Variants in ROS1 observed in about 807,000 individuals in gnomAD.
ROS1 encodes the protein proto-oncogene tyrosine-protein kinase ROS.
ROS1 carries 263 observed loss-of-function variants against 273.5 expected under a neutral mutation model. The observed-to-expected ratio is 0.96, with a 90% CI of 0.87 to 1.06. The LOEUF (loss-of-function observed/expected upper bound fraction) is 1.06, where lower values mean the gene tolerates loss of function less well. ROS1 is among the 50% of genes least tolerant of loss of function. ROS1 has a pLI of 0.00. For synonymous variants in ROS1, 1,008 were observed against 954.1 expected (o/e 1.06, Z -1.04); for missense variants, 2,833 against 2,751.1 (o/e 1.03, Z -0.67).
chr6:117,374,132 G>C (rs973583088), intron 18 of ROS1, among the ~76,000 whole-genome samples: 1 of 152,060 alleles, frequency 6.6e-6, no homozygotes, highest in African/African-American at 2.4e-5. Context: ...CAGAACAAGA[G>C]AGAACAATCC....
At chr6:117,299,728 T>A (rs1774532840) in intron 43 of ROS1, 1 of 152,228 alleles carries the variant, frequency 6.6e-6, no homozygotes, top group Non-Finnish European at 1.5e-5. Flanking sequence ...CCTTGCAAAC[T>A]TTTAATAACA....
chr6:117,366,071 T>C lies in ROS1; in HGVS notation c.2797+5A>G, dbSNP rs755872413. The C allele has an allele frequency of 1.2e-6, 2 of 1,606,760 alleles. No homozygotes were observed. The highest frequency in any genetic ancestry group is 1.1e-5 in the South Asian group (1 of 90,910). ...AGTAGGGTAAGCAGGAATGAAATAC[T>C]GTACCTGGCAGGGGCTTAAGGGATG... On this transcript the variant is annotated splice_donor_5th_base_variant and intron_variant, in intron 19 of 43. Transcript: ENST00000368507.
chr6:117,369,746 T>C (rs922089962), intron 18 of ROS1, among the ~76,000 whole-genome samples: 6 of 152,198 alleles, frequency 3.9e-5, no homozygotes, highest in African/African-American at 1.4e-4. Flanking sequence ...AATAATCAGT[T>C]TTCTCTGATT....
intron 17 of ROS1, among the ~76,000 whole-genome samples, chr6:117,382,364 C>A (rs1772224301): frequency 2.0e-5 from 3 of 151,978 alleles, no homozygotes; most frequent in Admixed American, 2.0e-4. Flanking sequence ...GATCAAGTGA[C>A]TCAACTATTA....
intron 38 of ROS1, 73 bp downstream of exon 38, chr6:117,318,115 T>C (rs1776045156): frequency 9.7e-7 from 1 of 1,031,920 alleles, no homozygotes; most frequent in East Asian, 2.4e-5. Context: ...TCATGTCATT[T>C]TGGGTGTTAA....
intron 6 of ROS1, 68 bp from the exon 7 acceptor site, chr6:117,403,345 A>G: frequency 6.8e-7 from 1 of 1,469,226 alleles, no homozygotes; most frequent in Non-Finnish European, 9.3e-7. Context: ...TAAAAAGCAT[A>G]GATTAATTTG....
Position 117,389,435 on chromosome 6 carries a change from T to C in ROS1, c.1701A>G (p.Pro567=), listed in dbSNP as rs2128704034. ...GCACCGAAAGCTCCTGCGGGCGGCC[T>C]GGCAGAGGGTGCAGCTGGGAGGATG... ...FGSSSQLHPL[P]GRPQELSVLF... is the part of the protein sequence containing the mutation. Residue 567 remains proline (P), a synonymous_variant, in exon 13 of 44, where the codon CCA becomes CCG. Transcript: ENST00000368507. 2 of 1,614,178 alleles carry C rather than the reference T, an allele frequency of 1.2e-6. No individual in the cohort carries two copies. The highest frequency in any genetic ancestry group is 1.7e-6 in the Non-Finnish European group (2 of 1,180,028).
Position 117,327,107 on chromosome 6 carries a change from C to T in ROS1, c.5349-693G>A, listed in dbSNP as rs983324168. Among the ~76,000 whole-genome samples the T allele has an allele frequency of 2.0e-5, 3 of 152,224 alleles. No homozygotes were observed. In the East Asian group the frequency reaches 5.8e-4, roughly 29 times the overall value. On this transcript the variant is annotated intron_variant, in intron 33 of 43. Coordinates refer to ENST00000368507, the MANE Select transcript of ROS1 (RefSeq NM_001378902.1). Reference sequence around the variant, plus strand: ...ATTTCAGGTCTGAAACTTTTCAGACCGCAATAGTTTTAGGACTTGGTGCCA... The same window carrying T: ...ATTTCAGGTCTGAAACTTTTCAGACTGCAATAGTTTTAGGACTTGGTGCCA...
chr6:117,405,083 T>C (rs1000332032), intron 5 of ROS1, among the ~76,000 whole-genome samples: 1 of 152,212 alleles, frequency 6.6e-6, no homozygotes, highest in Non-Finnish European at 1.5e-5. Context: ...TACTCTACTT[T>C]TTATATTTTT....
chr6:117,411,916 C>G (rs1774943093), intron 4 of ROS1, among the ~76,000 whole-genome samples: 1 of 152,080 alleles, frequency 6.6e-6, no homozygotes, highest in African/African-American at 2.4e-5. Context: ...ATGAAAATTG[C>G]TAGGACGAAA....
chr6:117,342,686 C>A (rs906758089), intron 28 of ROS1, 142 bp from the exon 29 acceptor site: 7 of 578,922 alleles, frequency 1.2e-5, no homozygotes, highest in Middle Eastern at 4.6e-4. Flanking sequence ...AATGGTAATA[C>A]CACTGTCCAA....
At chr6:117,397,214 T>G (rs1476923109) in intron 7 of ROS1, 98 bp from the exon 8 acceptor site, 1 of 797,058 alleles carries the variant, frequency 1.3e-6, no homozygotes, top group Admixed American at 2.6e-5. Context: ...TTTTGAAAAC[T>G]TAATGGAAAC....
intron 5 of ROS1, among the ~76,000 whole-genome samples, chr6:117,408,131 A>C (rs1582876519): frequency 6.6e-6 from 1 of 151,880 alleles, no homozygotes; most frequent in East Asian, 1.9e-4. Flanking sequence ...CCTAGGCAAT[A>C]CCATTCAGGA....
In ROS1 at chr6:117,389,846, C is replaced by T; in HGVS notation, c.1290G>A (p.Gly430=). The T allele has an allele frequency of 6.3e-7, 1 of 1,598,588 alleles. No individual in the cohort carries two copies. ...CATCTCTCAGGAGGTAAAAGACATA[C>T]CTGACACAGGAACAAAAGAAACCTC... The part of the protein sequence containing the change: ...PQKIVADSYN[G]YVFYLLRDGI... Residue 430 remains glycine, a splice_region_variant and synonymous_variant, in exon 13 of 44, where the codon GGG becomes GGA. Coordinates refer to ENST00000368507, the MANE Select transcript of ROS1 (RefSeq NM_001378902.1).
chr6:117,410,172 T>C (rs1451969227), intron 4 of ROS1, among the ~76,000 whole-genome samples: 2 of 152,212 alleles, frequency 1.3e-5, no homozygotes, highest in Non-Finnish European at 2.9e-5. Context: ...TGTTTCATTT[T>C]GTTTAATGTG....
In ROS1 at chr6:117,300,966, A is replaced by T. The variant is rs756018380; in HGVS notation, c.6715+8T>A. On this transcript the variant is annotated splice_region_variant and intron_variant, in intron 43 of 43. Coordinates refer to ENST00000368507, the MANE Select transcript of ROS1 (RefSeq NM_001378902.1). ...GAAAACTAGAAAATTCTGAAGAATC[A>T]AACTTACCTTCAAAGCTTTCATTTA... 6.5e-7 allele frequency: 1 copy of T among 1,545,390 alleles called. No homozygotes were observed. Among genetic ancestry groups the T allele is most frequent in the South Asian group, 1.3e-5 (1 of 77,394 alleles).
chr6:117,379,921 CT>C (rs1484079351), intron 17 of ROS1, among the ~76,000 whole-genome samples: 15 of 152,094 alleles, frequency 9.9e-5, no homozygotes, highest in Non-Finnish European at 1.8e-4. Flanking sequence ...AGAACCACTT[CT>C]TACTACTCTT....
At chr6:117,422,429 AT>A (rs1481181772) in intron 1 of ROS1, among the ~76,000 whole-genome samples, 27 of 152,258 alleles carry the variant, frequency 1.8e-4, no homozygotes, top group African/African-American at 5.5e-4. Flanking sequence ...TCTTTATCAT[AT>A]TTCACATTCT....
intron 32 of ROS1, among the ~76,000 whole-genome samples, chr6:117,333,944 G>T (rs368024552): frequency 1.3e-5 from 2 of 152,076 alleles, no homozygotes; most frequent in East Asian, 1.9e-4. Flanking sequence ...CAAGACAAGG[G>T]TGTCCACTCT....
Sources: allele counts gnomAD v4.1 joint callset (sites outside exome capture counted in the v4.1 genomes callset), GRCh38; gene constraint gnomAD v4.1.1; transcripts MANE v1.5; gene names NCBI Gene and HGNC (gene_info 2026-07-23, HGNC 2026-07-21).